SCN8A: variants seen among roughly 807,000 people sequenced by gnomAD.
The protein encoded by SCN8A is sodium channel protein type 8 subunit alpha.
A neutral mutation model predicts 184.1 loss-of-function variants in SCN8A; 30 were observed. That is an observed-to-expected ratio of 0.16 (90% CI 0.12 to 0.22). The LOEUF (loss-of-function observed/expected upper bound fraction) is 0.22, where lower values mean the gene tolerates loss of function less well. SCN8A is among the 10% of genes least tolerant of loss of function. The probability of loss-of-function intolerance (pLI) is 1.00; values close to 1 mark genes in which losing one functional copy is unlikely to be tolerated. For synonymous variants in SCN8A, 852 were observed against 907.0 expected, an observed-to-expected ratio of 0.94 and a Z score of 1.09; for missense variants, 1,057 against 2,498.9, an observed-to-expected ratio of 0.42 and a Z score of 12.30.
At chr12:51,713,653 G>A (rs577021013) in intron 11 of SCN8A, 33 of 566,202 alleles carry the variant, frequency 5.8e-5, no homozygotes, top group East Asian at 5.7e-4. Context: ...ACTCATCTCC[G>A]ACCTATTTCT....
intron 11 of SCN8A, among the ~76,000 whole-genome samples, chr12:51,718,106 C>G (rs1941994729): frequency 6.6e-6 from 1 of 152,096 alleles, no homozygotes; most frequent in Non-Finnish European, 1.5e-5. Context: ...AGTATAGAAC[C>G]AGAAACGGAA....
chr12:51,671,851 G>T (rs1052604463), intron 2 of SCN8A, among the ~76,000 whole-genome samples: 1 of 152,190 alleles, frequency 6.6e-6, no homozygotes, highest in Non-Finnish European at 1.5e-5. Flanking sequence ...TTTACCAGAA[G>T]AATTTTTGAT....
intron 1 of SCN8A, among the ~76,000 whole-genome samples, chr12:51,652,464 T>C (rs1940736930): frequency 6.6e-6 from 1 of 152,200 alleles, no homozygotes; most frequent in African/African-American, 2.4e-5. Flanking sequence ...TTTTCTACTT[T>C]GAAGCTTTCA....
chr12:51,600,923 A>G (rs1195456706), intron 1 of SCN8A, among the ~76,000 whole-genome samples: 1 of 152,208 alleles, frequency 6.6e-6, no homozygotes, highest in African/African-American at 2.4e-5. Context: ...AGAAGTCCCC[A>G]TGGTTTGCTG....
chr12:51,638,519 G>A lies in SCN8A; in HGVS notation c.-54-24245G>A, dbSNP rs1323243717. ...TTTTTTTTTTTTGAGACGGAGTCTC[G>A]CTCTGTCACCAGGCTGGAGTATAGT... On this transcript the variant is annotated intron_variant, in intron 1 of 26. Transcript: ENST00000627620. 7.5e-5 allele frequency among the ~76,000 whole-genome samples: 11 copies of A among 147,484 alleles called. 1 individual carries two copies. Among genetic ancestry groups the A allele is most frequent in the African/African-American group, 2.5e-4 (10 of 39,798 alleles).
chr12:51,717,357 A>C (rs1210933347), intron 11 of SCN8A, among the ~76,000 whole-genome samples: 1 of 152,250 alleles, frequency 6.6e-6, no homozygotes, highest in African/African-American at 2.4e-5. Flanking sequence ...TCATGAACTG[A>C]TACTATTGTA....
chr12:51,601,395 A>G (rs1939459982), intron 1 of SCN8A, among the ~76,000 whole-genome samples: 2 of 151,926 alleles, frequency 1.3e-5, no homozygotes. Flanking sequence ...GTAGTAGGGA[A>G]ACAAAGTACA....
intron 1 of SCN8A, 125 bp from the exon 2 acceptor site, chr12:51,662,639 C>T (rs1940946532): frequency 1.6e-6 from 1 of 626,080 alleles, no homozygotes; most frequent in Non-Finnish European, 2.7e-6. Flanking sequence ...ATAAGCATGT[C>T]ATGGAAGAAA....
chr12:51,674,307 A>T (rs1941184046), intron 2 of SCN8A, among the ~76,000 whole-genome samples: 1 of 152,084 alleles, frequency 6.6e-6, no homozygotes, highest in Non-Finnish European at 1.5e-5. Flanking sequence ...GATCCAAATT[A>T]ACAGAAATAT....
intron 1 of SCN8A, among the ~76,000 whole-genome samples, chr12:51,623,308 A>G (rs1940003697): frequency 6.6e-6 from 1 of 152,198 alleles, no homozygotes; most frequent in South Asian, 2.1e-4. Context: ...ATCAGTCTGT[A>G]TATATGCTAA....
At chr12:51,619,033 G>A (rs1452770334) in intron 1 of SCN8A, among the ~76,000 whole-genome samples, 1 of 152,092 alleles carries the variant, frequency 6.6e-6, no homozygotes, top group Non-Finnish European at 1.5e-5. Context: ...TTCCCTGGAG[G>A]CAACCACTTC....
intron 15 of SCN8A, among the ~76,000 whole-genome samples, chr12:51,765,452 A>AT (rs1481669054): frequency 6.6e-6 from 1 of 152,080 alleles, no homozygotes; most frequent in Non-Finnish European, 1.5e-5. Flanking sequence ...TCTAGTTACA[A>AT]TTTTTTCAGC....
chr12:51,809,444 A>T lies in SCN8A; in HGVS notation c.*2015A>T, dbSNP rs1938821567. The T allele has an allele frequency of 1.3e-5, 2 of 152,246 alleles. No individual in the cohort carries two copies. Among genetic ancestry groups the T allele is most frequent in the African/African-American group, 4.8e-5 (2 of 41,470 alleles). 9.4% of individuals were successfully genotyped at this position (152,246 alleles called of 1,614,324 possible). A position where few individuals can be genotyped will look rare whatever the true frequency, so the allele number is the denominator to read the frequency against. On this transcript the variant is annotated 3_prime_UTR_variant, in exon 27 of 27. Transcript: ENST00000627620. ...ACCAGACTAGTTTTGCATAGAACAAACCACAGTAAGTCGGCAAGCAGAGCT... is the reference window on the plus strand; with the variant it reads ...ACCAGACTAGTTTTGCATAGAACAATCCACAGTAAGTCGGCAAGCAGAGCT...
At chr12:51,740,068 C>A (rs552217347) in intron 12 of SCN8A, among the ~76,000 whole-genome samples, 3 of 152,242 alleles carry the variant, frequency 2.0e-5, no homozygotes, top group Non-Finnish European at 1.5e-5. Flanking sequence ...ATCGCTCATG[C>A]TATTGTTTGT....
intron 6 of SCN8A, among the ~76,000 whole-genome samples, chr12:51,695,755 C>T (rs1409140098): frequency 1.3e-5 from 2 of 152,170 alleles, no homozygotes; most frequent in African/African-American, 4.8e-5. Context: ...TTATTTATTA[C>T]CATTCTCACC....
chr12:51,707,687 C>T (rs138875791), intron 11 of SCN8A, among the ~76,000 whole-genome samples: 1 of 152,326 alleles, frequency 6.6e-6, no homozygotes, highest in Non-Finnish European at 1.5e-5. Context: ...ACCAAGTTGA[C>T]ATGCAGTATT....
intron 12 of SCN8A, among the ~76,000 whole-genome samples, chr12:51,724,062 A>G (rs1263342960): frequency 1.3e-5 from 2 of 152,114 alleles, no homozygotes; most frequent in Non-Finnish European, 2.9e-5. Context: ...TCTTCTCAAG[A>G]CCTACTTATT....
chr12:51,769,398 T>C (rs1486308189), intron 17 of SCN8A, 63 bp downstream of exon 17: 1 of 1,236,196 alleles, frequency 8.1e-7, no homozygotes, highest in Non-Finnish European at 1.1e-6. Context: ...GCTGTCAGCC[T>C]TGGGGATTGG....
rs538569483 is a variant in SCN8A at position 51,792,441 on chromosome 12, A to G, written c.4525-1930A>G. Among the ~76,000 whole-genome samples the G allele has an allele frequency of 1.7e-4, 25 of 145,118 alleles. No individual in the cohort carries two copies. The South Asian group carries it at 5.2e-3, about 30-fold the overall frequency. On this transcript the variant is annotated intron_variant, in intron 25 of 26. Coordinates refer to ENST00000627620, the MANE Select transcript of SCN8A (RefSeq NM_001330260.2). ...GGCTGCAGAGGATATGGTAAGCTAT[A>G]TCATGCCACTGCACTCCAGCCTGGG...
Sources: gnomAD v4.1 joint callset for allele counts (sites outside exome capture counted in the v4.1 genomes callset) on GRCh38, gnomAD v4.1.1 for gene constraint, MANE v1.5 for transcripts, NCBI Gene and HGNC (gene_info 2026-07-23, HGNC 2026-07-21) for gene names.